FAM171A1: variants seen among roughly 807,000 people sequenced by gnomAD.
FAM171A1 encodes the protein protein FAM171A1.
Under a neutral mutation model 74.9 loss-of-function variants are expected in FAM171A1, and 23 were observed. The ratio of observed to expected loss-of-function variants is 0.31; its 90% CI spans 0.22 to 0.44. FAM171A1 has a LOEUF of 0.44. FAM171A1 is among the 20% of genes least tolerant of loss of function. FAM171A1 has a pLI of 1.00. For synonymous variants in FAM171A1, 527 were observed against 505.7 expected (o/e 1.04, Z -0.57); for missense variants, 1,162 against 1,159.2 (o/e 1.00, Z -0.03).
chr10:15,316,700 C>T (rs1031672710), intron 1 of FAM171A1, among the ~76,000 whole-genome samples: 2 of 152,142 alleles, frequency 1.3e-5, no homozygotes, highest in Admixed American at 6.5e-5. Context: ...TGGCAGAAAT[C>T]CAAACGTTGG....
At chr10:15,297,995 A>G (rs1016360992) in intron 1 of FAM171A1, among the ~76,000 whole-genome samples, 8 of 152,352 alleles carry the variant, frequency 5.3e-5, no homozygotes, top group African/African-American at 1.9e-4. Flanking sequence ...TACAACTTAC[A>G]CATACAACCA....
At chr10:15,343,185 G>C (rs1198312701) in intron 1 of FAM171A1, among the ~76,000 whole-genome samples, 2 of 152,138 alleles carry the variant, frequency 1.3e-5, no homozygotes, top group African/African-American at 4.8e-5. Context: ...AACACAGCAA[G>C]ACCCCATCAC....
chr10:15,273,878 T>C (rs1280749702), intron 3 of FAM171A1, among the ~76,000 whole-genome samples: 4 of 152,076 alleles, frequency 2.6e-5, no homozygotes, highest in Non-Finnish European at 5.9e-5. Flanking sequence ...ATTGATGGGA[T>C]GTATCTCAAA....
chr10:15,286,560 G>A (rs1310242055), intron 1 of FAM171A1, among the ~76,000 whole-genome samples: 2 of 152,154 alleles, frequency 1.3e-5, no homozygotes, highest in African/African-American at 4.8e-5. Flanking sequence ...GGGATTACAG[G>A]CATGATCCAC....
chr10:15,214,733 A>G, intron 7 of FAM171A1, 132 bp from the exon 8 acceptor site: 2 of 1,265,292 alleles, frequency 1.6e-6, no homozygotes, highest in Non-Finnish European at 2.1e-6. Context: ...GGAGCAGCCA[A>G]AAGCCTTCTC....
chr10:15,227,611 A>G (rs1051981280), intron 5 of FAM171A1, among the ~76,000 whole-genome samples: 50 of 151,360 alleles, frequency 3.3e-4, no homozygotes, highest in African/African-American at 1.1e-3. Flanking sequence ...GAACTTCTGG[A>G]CCCAAGTGAT....
chr10:15,271,498 G>A (rs1319958912), intron 3 of FAM171A1, among the ~76,000 whole-genome samples: 2 of 152,148 alleles, frequency 1.3e-5, no homozygotes, highest in East Asian at 1.9e-4. Flanking sequence ...AACCTAGCAA[G>A]GCAGGCCAAC....
intron 1 of FAM171A1, among the ~76,000 whole-genome samples, chr10:15,327,992 T>G (rs1835577307): frequency 6.7e-6 from 1 of 150,098 alleles, no homozygotes; most frequent in South Asian, 2.1e-4. Context: ...TCTAAAACTC[T>G]CAGTCCGAAA....
At chr10:15,269,149 T>G (rs939760080) in intron 3 of FAM171A1, among the ~76,000 whole-genome samples, 3 of 152,178 alleles carry the variant, frequency 2.0e-5, no homozygotes, top group African/African-American at 7.2e-5. Context: ...GGACTTACTC[T>G]GTCCCTCAGG....
At chr10:15,357,390 A>G (rs1051725226) in intron 1 of FAM171A1, among the ~76,000 whole-genome samples, 2 of 152,246 alleles carry the variant, frequency 1.3e-5, no homozygotes, top group African/African-American at 4.8e-5. Context: ...ATGTCGATTT[A>G]TATGAAGTTC....
intron 5 of FAM171A1, among the ~76,000 whole-genome samples, chr10:15,239,544 C>T (rs561987639): frequency 6.6e-6 from 1 of 152,170 alleles, no homozygotes; most frequent in Non-Finnish European, 1.5e-5. Context: ...CTCAAGTGAT[C>T]TGCCCACCTT....
chr10:15,353,004 G>A (rs141811412), intron 1 of FAM171A1, among the ~76,000 whole-genome samples: 160 of 152,346 alleles, frequency 1.1e-3, no homozygotes, highest in African/African-American at 3.4e-3. Context: ...TAGCAAAGCC[G>A]CATTTTAAAA....
At position 15,312,673 on chromosome 10, in the gene FAM171A1, GT is replaced by G. The variant is rs1169098742; in HGVS notation, c.98-28569del. Among the ~76,000 whole-genome samples the G allele has an allele frequency of 2.2e-4, 8 of 36,400 alleles. 1 individual carries two copies. The East Asian group carries it at 3.2e-3, about 14-fold the overall frequency. 23.9% of individuals were successfully genotyped at this position (36,400 alleles called of 152,430 possible). ...TACTGGAATGAGTTCAGCACTGTGT[GT>G]TTTTTTTTTTTTTTTTTTTTTTTTT... On this transcript the variant is annotated intron_variant, in intron 1 of 7. Coordinates refer to ENST00000378116, the MANE Select transcript of FAM171A1 (RefSeq NM_001010924.2).
chr10:15,290,788 G>A (rs926273482), intron 1 of FAM171A1, among the ~76,000 whole-genome samples: 5 of 152,186 alleles, frequency 3.3e-5, no homozygotes, highest in African/African-American at 1.2e-4. Flanking sequence ...GGTGTCCTGA[G>A]ATGAGAACGA....
chr10:15,322,623 C>T (rs1835500061), intron 1 of FAM171A1, among the ~76,000 whole-genome samples: 1 of 152,120 alleles, frequency 6.6e-6, no homozygotes, highest in Non-Finnish European at 1.5e-5. Context: ...TGTTTCAAGC[C>T]GACAGCCCGA....
At chr10:15,360,874 G>A (rs1007381753) in intron 1 of FAM171A1, among the ~76,000 whole-genome samples, 31 of 152,108 alleles carry the variant, frequency 2.0e-4, no homozygotes, top group African/African-American at 2.7e-4. Flanking sequence ...CCACACTTTC[G>A]ACTTTTTACT....
At chr10:15,339,055 A>AT (rs541296496) in intron 1 of FAM171A1, among the ~76,000 whole-genome samples, 120 of 152,268 alleles carry the variant, frequency 7.9e-4, no homozygotes, top group African/African-American at 2.5e-3. Context: ...TACAGTTTTG[A>AT]GGGCAGCTGC....
chr10:15,220,134 C>T (rs188590343), intron 6 of FAM171A1, among the ~76,000 whole-genome samples: 1 of 152,272 alleles, frequency 6.6e-6, no homozygotes, highest in Admixed American at 6.5e-5. Flanking sequence ...CTAGCTAAGT[C>T]ACCTACTTTA....
intron 3 of FAM171A1, among the ~76,000 whole-genome samples, chr10:15,271,352 T>C (rs548432313): frequency 3.9e-4 from 60 of 152,014 alleles, no homozygotes; most frequent in Non-Finnish European, 6.8e-4. Flanking sequence ...TAAAAAGAAA[T>C]GAACAAAGCC....
Sources: gnomAD v4.1 joint callset for allele counts (sites outside exome capture counted in the v4.1 genomes callset) on GRCh38, gnomAD v4.1.1 for gene constraint, MANE v1.5 for transcripts, NCBI Gene and HGNC (gene_info 2026-07-23, HGNC 2026-07-21) for gene names.